The following ZFP57 variants were observed in gnomAD, a reference collection of about 807,000 sequenced individuals.
ZFP57 encodes zinc finger protein 57 homolog.
In ZFP57, 12 loss-of-function variants were observed where a neutral mutation model predicts 15.8. That is an observed-to-expected ratio of 0.76 (90% CI 0.49 to 1.23). ZFP57 has a LOEUF of 1.23. Ranked by LOEUF, ZFP57 falls within the 50% of genes most tolerant of loss-of-function variation. The pLI, the probability that ZFP57 is intolerant of heterozygous loss-of-function variation, is 0.00. For missense variants in ZFP57, 536 were observed against 654.9 expected (o/e 0.82, Z 1.98); for synonymous variants, 203 against 242.3 (o/e 0.84, Z 1.51).
intron 2 of ZFP57, 117 bp downstream of exon 2, chr6:29,676,764 T>C: frequency 1.5e-6 from 2 of 1,360,892 alleles, no homozygotes; most frequent in Non-Finnish European, 2.0e-6. Context: ...TTTTTCTGGA[T>C]GTCGTTCAGT....
intron 1 of ZFP57, among the ~76,000 whole-genome samples, chr6:29,679,806 C>T (rs968092679): frequency 6.6e-6 from 1 of 152,158 alleles, no homozygotes; most frequent in Non-Finnish European, 1.5e-5. Context: ...ATCGCTTGAA[C>T]CCGGGAGGCA....
Position 29,676,004 on chromosome 6 carries a change from C to T in ZFP57, c.179G>A (p.Cys60Tyr). Residue 60 changes from cysteine to tyrosine, a missense_variant, in exon 3 of 5, where the codon TGT becomes TAT. Transcript: ENST00000376883. The part of the protein sequence containing the change: ...AVNFTQEEWD[C>Y]LDASQRVLYQ... ...AAGGACCCTCTGGCTGGCATCTAGA[C>T]AGTCCCACTCTTCCTGGGTGAAATT... 1.2e-6 allele frequency: 2 copies of T among 1,613,396 alleles called. No homozygotes were observed. The highest frequency in any genetic ancestry group is 1.7e-6 in the Non-Finnish European group (2 of 1,180,004).
intron 3 of ZFP57, 111 bp from the exon 4 acceptor site, chr6:29,675,598 G>A: frequency 2.2e-6 from 2 of 928,378 alleles, no homozygotes; most frequent in Non-Finnish European, 3.6e-6. Context: ...CCATAACCTG[G>A]GACATGTAGA....
chr6:29,676,779 A>T, intron 2 of ZFP57, 102 bp downstream of exon 2: 1 of 1,493,634 alleles, frequency 6.7e-7, no homozygotes, highest in East Asian at 2.3e-5. Context: ...TTCAGTCTGG[A>T]ACAATCTGAG....
chr6:29,680,755 A>G (rs1042737181), intron 1 of ZFP57, among the ~76,000 whole-genome samples: 1 of 152,126 alleles, frequency 6.6e-6, no homozygotes, highest in Non-Finnish European at 1.5e-5. Context: ...AAACGGTCCC[A>G]TTGGTTGGGA....
intron 1 of ZFP57, among the ~76,000 whole-genome samples, chr6:29,680,319 C>G (rs1188130170): frequency 6.6e-6 from 1 of 152,178 alleles, no homozygotes; most frequent in Non-Finnish European, 1.5e-5. Context: ...CAGTCTCTCT[C>G]CAACCCAAAA....
At position 29,672,538 on chromosome 6, in the gene ZFP57, T is replaced by C; in HGVS notation, c.1573A>G (p.Lys525Glu). 2.5e-6 allele frequency: 4 copies of C among 1,613,032 alleles called. No homozygotes were observed. Among genetic ancestry groups the C allele is most frequent in the Non-Finnish European group, 2.5e-6 (3 of 1,180,020 alleles). Residue 525 changes from lysine to glutamate, a missense_variant, in exon 5 of 5, where the codon AAA becomes GAA. Coordinates refer to ENST00000376883, the MANE Select transcript of ZFP57 (RefSeq NM_001109809.5). The stretch of plus-strand genomic sequence containing the variant: ...AAGATGCTCACTGCCTCCTTTGTTT[T>C]GTCTCCTTTGCAGGCCTTCTCTCTT... ...GLREKACKGD[K>E]TKEAVSILKH... is the part of the protein sequence containing the mutation.
At chr6:29,675,548 T>A in intron 3 of ZFP57, 61 bp from the exon 4 acceptor site, 4 of 1,302,778 alleles carry the variant, frequency 3.1e-6, no homozygotes, top group Non-Finnish European at 4.5e-6. Flanking sequence ...TCACATCTGA[T>A]GGGGACAACA....
In ZFP57 at chr6:29,673,981, C is replaced by G. The variant is rs116430762; in HGVS notation, c.353-223G>C. ...TCATGGCATCTGCCTGTAATCTCAG[C>G]TACTAGGGAGACTGAGGCAGGACAA... On this transcript the variant is annotated intron_variant, in intron 4 of 4. Transcript: ENST00000376883. This position sits in a 1 kb window ranked among gnomAD's most constrained non-coding sequence, Gnocchi z 4.7. Among the ~76,000 whole-genome samples, 3,788 of 151,968 alleles carry G rather than the reference C, an allele frequency of 0.025. 59 individuals are homozygous for G. Among genetic ancestry groups the G allele is most frequent in the Admixed American group, 0.043 (657 of 15,250 alleles).
chr6:29,674,233 CGAAGAAGAAGAAGAAGAG>C (rs1562224302), intron 4 of ZFP57, among the ~76,000 whole-genome samples: 1 of 121,482 alleles, frequency 8.2e-6, no homozygotes, highest in Non-Finnish European at 1.8e-5. Flanking sequence ...AAGACGAAGA[CGAAGAAGAAGAAGAAGAG>C]GAAGAAGAAG....
intron 4 of ZFP57, among the ~76,000 whole-genome samples, chr6:29,675,028 C>T (rs1341784920): frequency 3.3e-5 from 5 of 151,956 alleles, no homozygotes; most frequent in Non-Finnish European, 7.4e-5. Context: ...TGGCACATGC[C>T]TGTAGTCCCA....
chr6:29,674,150 GAGA>G (rs1349118238), intron 4 of ZFP57, among the ~76,000 whole-genome samples: 18 of 142,742 alleles, frequency 1.3e-4, no homozygotes, highest in Admixed American at 9.1e-4. Context: ...GGAGAAGAAG[GAGA>G]AGGAGAAGAG....
In ZFP57 at chr6:29,673,198, G is replaced by A; in HGVS notation, c.913C>T (p.Gln305Ter). 3 of 1,613,028 alleles carry A rather than the reference G, an allele frequency of 1.9e-6. No homozygotes were observed. Among genetic ancestry groups the A allele is most frequent in the Non-Finnish European group, 2.5e-6 (3 of 1,180,032 alleles). ...CTCTGGCTTCTGGCGATGGGTGTCT[G>A]GAATTCAGCCTGGGTGCCTGGAATC... ...LRIPGTQAEF[Q>*]TPIARSQRSI... is the part of the protein sequence containing the mutation. The change falls in exon 5 of 5, where the codon CAG (glutamine) becomes TAG (stop). Residue 305 changes from glutamine to a stop codon, truncating the protein, a stop_gained. Transcript: ENST00000376883. LOFTEE classifies it low-confidence loss of function (END_TRUNC). The surrounding 1 kb of genome is among the most constrained non-coding windows in gnomAD (Gnocchi z 4.7).
Position 29,674,063 on chromosome 6 carries a change from C to T in ZFP57, c.353-305G>A, listed in dbSNP as rs180714155. Among the ~76,000 whole-genome samples the T allele has an allele frequency of 2.2e-3, 326 of 150,330 alleles. 7 individuals carry two copies. Among genetic ancestry groups the T allele is most frequent in the Middle Eastern group, 0.014 (4 of 292 alleles). On this transcript the variant is annotated intron_variant, in intron 4 of 4. Coordinates refer to ENST00000376883, the MANE Select transcript of ZFP57 (RefSeq NM_001109809.5). Reference sequence around the variant, plus strand: ...GAGCCAAGATGGTGCCACTGCACTCCTGCCTGGGCAACTAGAGTGAAACTC... The same window carrying T: ...GAGCCAAGATGGTGCCACTGCACTCTTGCCTGGGCAACTAGAGTGAAACTC...
At chr6:29,679,088 G>T (rs9257953) in intron 1 of ZFP57, among the ~76,000 whole-genome samples, 1 of 152,148 alleles carries the variant, frequency 6.6e-6, no homozygotes, top group Non-Finnish European at 1.5e-5. Context: ...GTGGATAAGG[G>T]GAACCACTGT....
At position 29,677,150 on chromosome 6, in the gene ZFP57, C is replaced by A. The variant is rs1772117134; in HGVS notation, c.-147G>T. 1.9e-6 allele frequency: 2 copies of A among 1,077,854 alleles called. No individual in the cohort carries two copies. Among genetic ancestry groups the A allele is most frequent in the African/African-American group, 1.6e-5 (1 of 64,048 alleles). 66.8% of individuals were successfully genotyped at this position (1,077,854 alleles called of 1,614,324 possible). ...AAGGCCCCAGGGTTTGATGTGGCTTCCTGTGACAAATGTATCTGCTCCAAG... is the reference window on the plus strand; with the variant it reads ...AAGGCCCCAGGGTTTGATGTGGCTTACTGTGACAAATGTATCTGCTCCAAG... On this transcript the variant is annotated 5_prime_UTR_variant, in exon 2 of 5. Coordinates refer to ENST00000376883, the MANE Select transcript of ZFP57 (RefSeq NM_001109809.5).
Position 29,673,479 on chromosome 6 carries a change from A to G in ZFP57, c.632T>C (p.Leu211Ser). The G allele has an allele frequency of 1.2e-6, 2 of 1,613,108 alleles. No individual in the cohort carries two copies. The highest frequency in any genetic ancestry group is 1.7e-6 in the Non-Finnish European group (2 of 1,180,034). Residue 211 changes from leucine to serine, a missense_variant, in exon 5 of 5, where the codon TTG (leucine) becomes TCG (serine). By Grantham distance (145) the Leu-to-Ser change is moderately radical (BLOSUM62 -2). Coordinates refer to ENST00000376883, the MANE Select transcript of ZFP57 (RefSeq NM_001109809.5). The surrounding 1 kb of genome is among the most constrained non-coding windows in gnomAD (Gnocchi z 4.7). ...GCTGAGGGACTTGGGGCTCCGAAAC[A>G]ACTTCCCACACTGACTGCAGCTGTT... ...LTNSCSQCGK[L>S]FRSPKSLSYH...
At chr6:29,674,207 AAAGAAGAAG>A (rs10636075) in intron 4 of ZFP57, among the ~76,000 whole-genome samples, 5 of 146,972 alleles carry the variant, frequency 3.4e-5, no homozygotes, top group East Asian at 2.0e-4. Context: ...GAAGAAAAGA[AAAGAAGAAG>A]AAGAAGAAGA....
intron 1 of ZFP57, among the ~76,000 whole-genome samples, chr6:29,678,879 A>C (rs1772199110): frequency 6.6e-6 from 1 of 152,210 alleles, no homozygotes; most frequent in African/African-American, 2.4e-5. Context: ...CTGAAAATAC[A>C]AAAATTAGCT....
Sources: gnomAD v4.1 joint callset for allele counts (sites outside exome capture counted in the v4.1 genomes callset) on GRCh38, gnomAD v4.1.1 for gene constraint, Gnocchi (gnomAD v3.1) non-coding constraint, MANE v1.5 for transcripts, NCBI Gene and HGNC (gene_info 2026-07-23, HGNC 2026-07-21) for gene names.